The following ZNF677 variants were observed in gnomAD, a reference collection of about 807,000 sequenced individuals.
The protein encoded by ZNF677 is hypothetical protein MGC48625.
A neutral mutation model predicts 8.1 loss-of-function variants in ZNF677; 5 were observed. That is an observed-to-expected ratio of 0.62 (90% confidence interval 0.32 to 1.29). The LOEUF (loss-of-function observed/expected upper bound fraction) is 1.29, where lower values mean the gene tolerates loss of function less well. ZNF677 is among the 50% of genes most tolerant of loss of function. The pLI, the probability that ZNF677 is intolerant of heterozygous loss-of-function variation, is 0.05. For synonymous variants in ZNF677, 221 were observed against 225.6 expected (o/e 0.98, Z 0.18); for missense variants, 685 against 685.9 (o/e 1.00, Z 0.01).
Position 53,237,460 on chromosome 19 carries a change from T to G in ZNF677, c.1267A>C (p.Asn423His), listed in dbSNP as rs769341998. 1.2e-6 allele frequency: 2 copies of G among 1,614,028 alleles called. No individual in the cohort carries two copies. The highest frequency in any genetic ancestry group is 2.2e-5 in the South Asian group (2 of 91,070). ...KQCSHLTRHQNIHPGEKPHKC... is the reference protein window; with the variant it reads ...KQCSHLTRHQHIHPGEKPHKC... Reference sequence around the variant, plus strand: ...TGTGGTTTCTCTCCAGGATGTATATTCTGATGCCTAGTGAGATGTGAGCAC... The same window carrying G: ...TGTGGTTTCTCTCCAGGATGTATATGCTGATGCCTAGTGAGATGTGAGCAC... Residue 423 changes from asparagine (N) to histidine (H), a missense_variant, in exon 5 of 5, where the codon AAT becomes CAT. Physicochemically the swap from Asn to His is moderately conservative, Grantham distance 68. Coordinates refer to ENST00000598513, the MANE Select transcript of ZNF677 (RefSeq NM_182609.4).
At chr19:53,252,607 G>C (rs999210001) in intron 2 of ZNF677, among the ~76,000 whole-genome samples, 2 of 152,110 alleles carry the variant, frequency 1.3e-5, no homozygotes, top group Non-Finnish European at 2.9e-5. Context: ...ATTACAAATA[G>C]CTATTACTCT....
Position 53,238,828 on chromosome 19 carries a change from AAAG to A in ZNF677, c.170-274_170-272del, listed in dbSNP as rs1361530276. 1.7e-5 allele frequency: 4 copies of A among 236,280 alleles called. No individual in the cohort carries two copies. In the East Asian group the frequency reaches 3.6e-4, roughly 21 times the overall value. 14.6% of individuals were successfully genotyped at this position (236,280 alleles called of 1,614,324 possible). A position where few individuals can be genotyped will look rare whatever the true frequency, so the allele number is the denominator to read the frequency against. The stretch of plus-strand genomic sequence containing the variant: ...ACTATGTAAATCCACATAAACTCTG[AAAG>A]AAGAGGTATTTTTCCACCACCACTC... On this transcript the variant is annotated intron_variant, in intron 4 of 4. Transcript: ENST00000598513.
In ZNF677 at chr19:53,238,569, T is replaced by TA. The variant is rs772280053; in HGVS notation, c.170-13dup. The TA allele has an allele frequency of 3.7e-5, 57 of 1,526,354 alleles. No individual in the cohort carries two copies. The Middle Eastern group carries it at 5.2e-4, about 14-fold the overall frequency. The allele number at this position is 1,526,354 out of a possible 1,614,324, so 94.6% of individuals were successfully genotyped here. A position where few individuals can be genotyped will look rare whatever the true frequency, so the allele number is the denominator to read the frequency against. On this transcript the variant is annotated splice_polypyrimidine_tract_variant and intron_variant, in intron 4 of 4. Transcript: ENST00000598513. ...TCCAACAGAAATATCTGAAAGATAT[T>TA]AAAAAAACCACAGGCTTTCCATCAA...
intron 3 of ZNF677, among the ~76,000 whole-genome samples, chr19:53,248,284 AT>A (rs2091178977): frequency 6.6e-6 from 1 of 152,212 alleles, no homozygotes; most frequent in Admixed American, 6.5e-5. Context: ...TTCTCTATGC[AT>A]TTTATAGCCA....
In ZNF677 at chr19:53,237,596, A is replaced by G. The variant is rs147088386; in HGVS notation, c.1131T>C (p.Cys377=). The G allele has an allele frequency of 5.9e-3, 9,447 of 1,613,862 alleles. 44 individuals are homozygous for G. Among genetic ancestry groups the G allele is most frequent in the Middle Eastern group, 0.019 (116 of 6,062 alleles). ...RIHTGEKPYK[C]NECDKAFAER... ...CAGCAAAGGCTTTGTCACATTCATT[A>G]CATTTGTAAGGTTTCTCTCCAGTAT... is the stretch of plus-strand genomic sequence containing the variant. The change falls in exon 5 of 5, where the codon TGT becomes TGC. Residue 377 remains cysteine, a synonymous_variant. Coordinates refer to ENST00000598513, the MANE Select transcript of ZNF677 (RefSeq NM_182609.4).
chr19:53,251,344 C>G (rs2091230290), intron 3 of ZNF677, among the ~76,000 whole-genome samples, 192 bp downstream of exon 3: 1 of 152,142 alleles, frequency 6.6e-6, no homozygotes, highest in Admixed American at 6.5e-5. Flanking sequence ...CTAAACGGAG[C>G]CTTTTCCAAA....
chr19:53,249,309 C>G (rs1259425185), intron 3 of ZNF677: 1 of 152,184 alleles, frequency 6.6e-6, no homozygotes, highest in Non-Finnish European at 1.5e-5. Context: ...AGTAATCATG[C>G]TTCAAATTGC....
rs756671870 is a variant in ZNF677, at chr19:53,237,114, A to G, written c.1613T>C (p.Ile538Thr). The change falls in exon 5 of 5, where the codon ATT becomes ACT. Residue 538 changes from isoleucine to threonine, a missense_variant. By Grantham distance (89) the Ile-to-Thr change is moderately conservative. Coordinates refer to ENST00000598513, the MANE Select transcript of ZNF677 (RefSeq NM_182609.4). ...ANLTRHQKIHIEKKHCKHNIH... is the reference protein window; with the variant it reads ...ANLTRHQKIHTEKKHCKHNIH... The stretch of plus-strand genomic sequence containing the variant: ...ATTATGTTTACAATGTTTCTTTTCA[A>G]TGTGTATTTTCTGGTGTCTAGTGAG... 1 of 1,613,872 alleles carries G rather than the reference A, an allele frequency of 6.2e-7. No homozygotes were observed. Among genetic ancestry groups the G allele is most frequent in the East Asian group, 2.2e-5 (1 of 44,862 alleles).
intron 3 of ZNF677, chr19:53,249,534 C>T (rs1386366450): frequency 6.6e-6 from 1 of 152,148 alleles, no homozygotes; most frequent in Non-Finnish European, 1.5e-5. Context: ...TTTTGCAAAA[C>T]AGAATATCAC....
chr19:53,239,167 G>A (rs2091010338), intron 4 of ZNF677: 1 of 152,040 alleles, frequency 6.6e-6, no homozygotes, highest in South Asian at 2.1e-4. Flanking sequence ...TGGTTCTATT[G>A]CATAATATAT....
intron 4 of ZNF677, chr19:53,239,415 T>C (rs779361892): frequency 2.0e-5 from 3 of 152,130 alleles, no homozygotes; most frequent in Non-Finnish European, 2.9e-5. Context: ...CACATTACTA[T>C]AAAGATGAAG....
chr19:53,241,900 ATTTC>A (rs1376284348), intron 4 of ZNF677: 1 of 398,222 alleles, frequency 2.5e-6, no homozygotes, highest in East Asian at 3.6e-5. Context: ...AAGAGAGGAA[ATTTC>A]AGACTCTAGG....
chr19:53,242,000 C>T (rs563537916), intron 4 of ZNF677: 37 of 393,228 alleles, frequency 9.4e-5, no homozygotes, highest in East Asian at 4.3e-4. Context: ...GGCGTGATCT[C>T]GGCTCACCAC....
rs971946707 is a variant in ZNF677, at chr19:53,235,539, A to C, written c.*1433T>G. The C allele has an allele frequency of 1.2e-4, 18 of 152,198 alleles. No individual in the cohort carries two copies. The highest frequency in any genetic ancestry group is 3.9e-4 in the African/African-American group (16 of 41,446). 9.4% of individuals were successfully genotyped at this position (152,198 alleles called of 1,614,324 possible). ...TTTGATGGAACTGTCCTCTATGGTAACCATTCTCTCTTCAGTTTCCAAAAA... is the reference window on the plus strand; with the variant it reads ...TTTGATGGAACTGTCCTCTATGGTACCCATTCTCTCTTCAGTTTCCAAAAA... On this transcript the variant is annotated 3_prime_UTR_variant, in exon 5 of 5. Coordinates refer to ENST00000598513, the MANE Select transcript of ZNF677 (RefSeq NM_182609.4).
chr19:53,242,070 TACAGG>T, intron 4 of ZNF677: 1 of 395,444 alleles, frequency 2.5e-6, no homozygotes, highest in Non-Finnish European at 4.5e-6. Flanking sequence ...CAGCTGGTAT[TACAGG>T]CATGCGCCAA....
rs1232477472 is a variant in ZNF677 at position 53,251,537 on chromosome 19, T to C, written c.14A>G (p.Gln5Arg). 22 of 1,613,318 alleles carry C rather than the reference T, an allele frequency of 1.4e-5. No homozygotes were observed. The highest frequency in any genetic ancestry group is 1.8e-5 in the Non-Finnish European group (21 of 1,179,364). MALS[Q>R]GLFTFKDVAI... ...GTGAACCAAGAATATAACTTTTACC[T>C]GAGAAAGAGCCATTCCCTCCTCTTC... The change falls in exon 3 of 5, where the codon CAG becomes CGG. Residue 5 changes from glutamine (Q) to arginine (R), a missense_variant and splice_region_variant. Physicochemically the swap from Gln to Arg is conservative, Grantham distance 43. Transcript: ENST00000598513.
intron 4 of ZNF677, chr19:53,239,910 T>C (rs568691496): frequency 6.6e-6 from 1 of 152,282 alleles, no homozygotes; most frequent in Non-Finnish European, 1.5e-5. Context: ...TAAGATGCCA[T>C]GTTCACAGCA....
intron 1 of ZNF677, chr19:53,254,592 C>A (rs557249311): frequency 3.9e-5 from 6 of 152,242 alleles, no homozygotes; most frequent in African/African-American, 1.4e-4. Context: ...TCGGTGTCCA[C>A]ACTGACCTAA....
At position 53,238,149 on chromosome 19, in the gene ZNF677, A is replaced by C; in HGVS notation, c.578T>G (p.Leu193Ter). Residue 193 changes from leucine (L) to a stop codon, truncating the protein, a stop_gained, in exon 5 of 5, where the codon TTA (leucine) becomes TGA (stop). Transcript: ENST00000598513. LOFTEE classifies it low-confidence loss of function (END_TRUNC). ...YVKCFENKIG[L>*]SLQAQLAELQ... ...TTCAGCCAGCTGTGCCTGTAAGCTTAATCCAATTTTATTTTCAAAACACTT... is the reference window on the plus strand; with the variant it reads ...TTCAGCCAGCTGTGCCTGTAAGCTTCATCCAATTTTATTTTCAAAACACTT... The C allele has an allele frequency of 6.2e-7, 1 of 1,613,326 alleles. No individual in the cohort carries two copies.
Sources: gnomAD v4.1 joint callset for allele counts (sites outside exome capture counted in the v4.1 genomes callset) on GRCh38, gnomAD v4.1.1 for gene constraint, MANE v1.5 for transcripts, NCBI Gene and HGNC (gene_info 2026-07-23, HGNC 2026-07-21) for gene names.